Variants in KCNQ5 observed in about 807,000 individuals in gnomAD.
The protein encoded by KCNQ5 is potassium voltage-gated channel subfamily Q member 5.
A neutral mutation model predicts 98.2 loss-of-function variants in KCNQ5; 30 were observed. The ratio of observed to expected loss-of-function variants is 0.31; its 90% CI spans 0.23 to 0.41. The LOEUF (loss-of-function observed/expected upper bound fraction) is 0.41. KCNQ5 is among the 10% of genes least tolerant of loss of function. KCNQ5 has a pLI of 1.00. For synonymous variants in KCNQ5, 458 were observed against 449.4 expected, an observed-to-expected ratio of 1.02 and a Z score of -0.24; for missense variants, 835 against 1,182.5, an observed-to-expected ratio of 0.71 and a Z score of 4.31.
At chr6:73,055,093 C>A in intron 3 of KCNQ5, 2 of 722,114 alleles carry the variant, frequency 2.8e-6, no homozygotes, top group Non-Finnish European at 2.6e-6. Flanking sequence ...CCAAGCCTGC[C>A]ACCATGGCCA....
At chr6:72,794,574 T>C (rs1274122237) in intron 1 of KCNQ5, among the ~76,000 whole-genome samples, 2 of 152,200 alleles carry the variant, frequency 1.3e-5, no homozygotes, top group Admixed American at 6.6e-5. Flanking sequence ...GCCTTGAGGT[T>C]AATTTTACTA....
At chr6:72,634,564 T>C (rs1220234869) in intron 1 of KCNQ5, among the ~76,000 whole-genome samples, 3 of 152,152 alleles carry the variant, frequency 2.0e-5, no homozygotes, top group Admixed American at 6.5e-5. Context: ...TTGTTTGCTT[T>C]TGTTTGTTTG....
At chr6:73,113,688 ATT>A (rs1562186713) in intron 7 of KCNQ5, among the ~76,000 whole-genome samples, 1 of 152,238 alleles carries the variant, frequency 6.6e-6, no homozygotes, top group East Asian at 1.9e-4. Context: ...TTGAAAATAA[ATT>A]GTTATTTCTA....
intron 1 of KCNQ5, among the ~76,000 whole-genome samples, chr6:72,756,216 A>G (rs1771962258): frequency 6.6e-6 from 1 of 152,164 alleles, no homozygotes; most frequent in Non-Finnish European, 1.5e-5. Flanking sequence ...TGAGGGGCAT[A>G]TCACTCTTTG....
intron 3 of KCNQ5, chr6:73,043,225 CAA>C (rs1355304428): frequency 3.2e-6 from 1 of 314,284 alleles, no homozygotes; most frequent in Non-Finnish European, 7.1e-6. Context: ...ATGCACATCT[CAA>C]AAGTCTCCAC....
In KCNQ5 at chr6:73,195,305, C is replaced by T. The variant is rs1162858921; in HGVS notation, c.2690C>T (p.Ala897Val). The T allele has an allele frequency of 6.2e-7, 1 of 1,614,144 alleles. No homozygotes were observed. The highest frequency in any genetic ancestry group is 8.5e-7 in the Non-Finnish European group (1 of 1,180,036). ...GCACCGCAGCCTGCCAGGGAAGCTG[C>T]CTTTGCATCAGACTCTCTAAGGACT... ...DAAPQPAREAAFASDSLRTGR... is the reference protein window; with the variant it reads ...DAAPQPAREAVFASDSLRTGR... Residue 897 changes from alanine to valine, a missense_variant, in exon 14 of 14, where the codon GCC (alanine) becomes GTC (valine). By Grantham distance (64) the Ala-to-Val change is moderately conservative (BLOSUM62 0). Transcript: ENST00000370398.
At chr6:72,963,985 G>A (rs1006513095) in intron 1 of KCNQ5, among the ~76,000 whole-genome samples, 5 of 152,090 alleles carry the variant, frequency 3.3e-5, no homozygotes, top group African/African-American at 7.2e-5. Flanking sequence ...GGTGAGCTTC[G>A]TATATTTTTT....
chr6:72,905,365 C>A (rs1010996110), intron 1 of KCNQ5, among the ~76,000 whole-genome samples: 2 of 152,140 alleles, frequency 1.3e-5, no homozygotes, highest in African/African-American at 4.8e-5. Flanking sequence ...CTCCTGAATT[C>A]TTTTACAGGT....
chr6:72,715,851 C>G lies in KCNQ5; in HGVS notation c.398+93264C>G, dbSNP rs913642665. Among the ~76,000 whole-genome samples the G allele has an allele frequency of 2.6e-5, 4 of 152,172 alleles. No homozygotes were observed. The East Asian group carries it at 5.8e-4, about 22-fold the overall frequency. On this transcript the variant is annotated intron_variant, in intron 1 of 13. Coordinates refer to ENST00000370398, the MANE Select transcript of KCNQ5 (RefSeq NM_019842.4). Reference sequence around the variant, plus strand: ...GAATAATATAATCTCCATTTTTCATCTTTTAAGAAATATCTACATATAATA... The same window carrying G: ...GAATAATATAATCTCCATTTTTCATGTTTTAAGAAATATCTACATATAATA...
At chr6:72,660,584 G>C (rs186197239) in intron 1 of KCNQ5, among the ~76,000 whole-genome samples, 1 of 152,232 alleles carries the variant, frequency 6.6e-6, no homozygotes, top group East Asian at 1.9e-4. Context: ...TCTTGACATT[G>C]ATGGTCCCAG....
intron 2 of KCNQ5, among the ~76,000 whole-genome samples, chr6:73,014,840 T>C (rs1380480935): frequency 6.6e-6 from 1 of 151,760 alleles, no homozygotes; most frequent in East Asian, 1.9e-4. Flanking sequence ...AAATATTCAC[T>C]ATATATATAT....
chr6:72,908,616 C>CACT (rs934149938), intron 1 of KCNQ5, among the ~76,000 whole-genome samples: 6 of 152,054 alleles, frequency 3.9e-5, no homozygotes, highest in Non-Finnish European at 5.9e-5. Flanking sequence ...TTAACAGAAG[C>CACT]TAAACATATG....
At chr6:72,770,044 A>C (rs1342836180) in intron 1 of KCNQ5, among the ~76,000 whole-genome samples, 1 of 152,124 alleles carries the variant, frequency 6.6e-6, no homozygotes, top group Non-Finnish European at 1.5e-5. Context: ...AACAGAGTCC[A>C]CAGCAAGTAA....
chr6:72,761,359 A>G (rs1189835771), intron 1 of KCNQ5, among the ~76,000 whole-genome samples: 1 of 152,054 alleles, frequency 6.6e-6, no homozygotes, highest in Non-Finnish European at 1.5e-5. Context: ...TATTTTCCAT[A>G]TATTTCAGTA....
At chr6:73,088,009 T>C (rs1424509716) in intron 5 of KCNQ5, among the ~76,000 whole-genome samples, 4 of 122,708 alleles carry the variant, frequency 3.3e-5, no homozygotes, top group Admixed American at 9.9e-5. Flanking sequence ...TGTTTTCTTT[T>C]TCTCTCTCTC....
chr6:73,116,610 A>G (rs988298012), intron 7 of KCNQ5, among the ~76,000 whole-genome samples: 2 of 152,170 alleles, frequency 1.3e-5, no homozygotes, highest in Non-Finnish European at 2.9e-5. Flanking sequence ...TGGGAGTTTG[A>G]AGCTGCTGTG....
At chr6:73,011,732 G>T (rs1582187399) in intron 2 of KCNQ5, among the ~76,000 whole-genome samples, 1 of 151,940 alleles carries the variant, frequency 6.6e-6, no homozygotes, top group African/African-American at 2.4e-5. Context: ...CTGAGAAGGG[G>T]TTAATATCTG....
At chr6:73,110,451 A>C (rs945203447) in intron 6 of KCNQ5, among the ~76,000 whole-genome samples, 10 of 152,330 alleles carry the variant, frequency 6.6e-5, no homozygotes, top group Middle Eastern at 6.8e-3. Context: ...ATTTTGGCAG[A>C]TCAAGATGAT....
At chr6:72,921,374 G>C (rs942663819) in intron 1 of KCNQ5, among the ~76,000 whole-genome samples, 2 of 152,196 alleles carry the variant, frequency 1.3e-5, no homozygotes, top group African/African-American at 4.8e-5. Flanking sequence ...TGTGAAGGTT[G>C]ATTGGGCTCA....
Sources: gnomAD v4.1 joint callset for allele counts (sites outside exome capture counted in the v4.1 genomes callset) on GRCh38, gnomAD v4.1.1 for gene constraint, MANE v1.5 for transcripts, NCBI Gene and HGNC (gene_info 2026-07-23, HGNC 2026-07-21) for gene names.